CDH4: variants seen among roughly 807,000 people sequenced by gnomAD.
CDH4 encodes cadherin 4, also known as cadherin-4.
In CDH4, 33 loss-of-function variants were observed where a neutral mutation model predicts 86.0. That is an observed-to-expected ratio of 0.38 (90% CI 0.29 to 0.51). CDH4 has a LOEUF of 0.51. CDH4 is among the 20% of genes least tolerant of loss of function. The pLI is 0.86. For synonymous variants in CDH4, 555 were observed against 549.4 expected, an observed-to-expected ratio of 1.01 and a Z score of -0.14; for missense variants, 1,114 against 1,307.4, an observed-to-expected ratio of 0.85 and a Z score of 2.28.
At position 61,417,434 on chromosome 20, in the gene CDH4, C is replaced by T. The variant is rs1293405190; in HGVS notation, c.169+162497C>T. 1.3e-5 allele frequency among the ~76,000 whole-genome samples: 2 copies of T among 152,128 alleles called. No homozygotes were observed. Among genetic ancestry groups the T allele is most frequent in the South Asian group, 2.1e-4 (1 of 4,824 alleles). On this transcript the variant is annotated intron_variant, in intron 2 of 15. Coordinates refer to ENST00000614565, the MANE Select transcript of CDH4 (RefSeq NM_001794.5). The surrounding 1 kb of genome is among the most constrained non-coding windows in gnomAD (Gnocchi z 4.0). ...TGAGCCAGCTGTGGGGTGTGGGGCCCGAGTGCCAGCTGTTTCCTCTAAAAA... is the reference window on the plus strand; with the variant it reads ...TGAGCCAGCTGTGGGGTGTGGGGCCTGAGTGCCAGCTGTTTCCTCTAAAAA...
intron 2 of CDH4, among the ~76,000 whole-genome samples, chr20:61,565,233 G>GCGGTGCTCTTGGTGA: frequency 2.1e-5 from 1 of 46,764 alleles, no homozygotes; most frequent in South Asian, 7.9e-4. Flanking sequence ...GGTGGTGGTG[G>GCGGTGCTCTTGGTGA]TGGTGGTGGC....
intron 2 of CDH4, among the ~76,000 whole-genome samples, chr20:61,385,910 G>T (rs78034491): frequency 6.6e-6 from 1 of 152,124 alleles, no homozygotes; most frequent in African/African-American, 2.4e-5. Context: ...TTGCAGCTGC[G>T]GTTCATGCAT....
chr20:61,323,631 G>A (rs2427085), intron 2 of CDH4, among the ~76,000 whole-genome samples: 61,707 of 151,896 alleles, frequency 0.41, 13,218 homozygotes, highest in East Asian at 0.48. Context: ...CAAGACTGGC[G>A]TCTTCGTGGG....
In CDH4 at chr20:61,936,855, C is replaced by T; in HGVS notation, c.2663C>T (p.Ser888Phe). ...GSVSSLNSSSSGDQDYDYLND... is the reference protein window; with the variant it reads ...GSVSSLNSSSFGDQDYDYLND... Reference sequence around the variant, plus strand: ...GTCAGCTCCCTGAACTCATCCAGTTCCGGGGACCAAGACTACGATTACCTC... The same window carrying T: ...GTCAGCTCCCTGAACTCATCCAGTTTCGGGGACCAAGACTACGATTACCTC... Residue 888 changes from serine (S) to phenylalanine (F), a missense_variant, in exon 16 of 16, where the codon TCC (serine) becomes TTC (phenylalanine). This residue lies in a region of CDH4 where 188 missense variants were observed against 183.8 expected (regional missense o/e 1.02). Coordinates refer to ENST00000614565, the MANE Select transcript of CDH4 (RefSeq NM_001794.5). The T allele has an allele frequency of 6.2e-7, 1 of 1,609,116 alleles. No individual in the cohort carries two copies. Among genetic ancestry groups the T allele is most frequent in the East Asian group, 2.3e-5 (1 of 44,362 alleles).
chr20:61,534,648 C>CTTTCTTTTTTTTTTTTTTTTTTTTTT (rs1568881693), intron 2 of CDH4, among the ~76,000 whole-genome samples: 3 of 108,384 alleles, frequency 2.8e-5, no homozygotes, highest in African/African-American at 1.6e-4. Context: ...TTCTTTCTTT[C>CTTTCTTTTTTTTTTTTTTTTTTTTTT]TTTTCTTTCT....
intron 2 of CDH4, among the ~76,000 whole-genome samples, chr20:61,362,518 C>T (rs747567195): frequency 6.6e-6 from 1 of 150,406 alleles, no homozygotes; most frequent in East Asian, 2.0e-4. Flanking sequence ...AGAGCGGAGA[C>T]GTGGCCTAGG....
chr20:61,449,513 A>G (rs1359260347), intron 2 of CDH4, among the ~76,000 whole-genome samples: 3 of 152,212 alleles, frequency 2.0e-5, no homozygotes, highest in Admixed American at 6.5e-5. Flanking sequence ...CGTATAGTCC[A>G]TCTTGCTTAA....
At chr20:61,479,712 G>A (rs1367032839) in intron 2 of CDH4, among the ~76,000 whole-genome samples, 1 of 152,170 alleles carries the variant, frequency 6.6e-6, no homozygotes, top group Non-Finnish European at 1.5e-5. Context: ...TTTGGGGTTT[G>A]CTGAGCTTCT....
At chr20:61,751,896 T>C (rs137929816) in intron 3 of CDH4, among the ~76,000 whole-genome samples, 1 of 152,184 alleles carries the variant, frequency 6.6e-6, no homozygotes, top group East Asian at 1.9e-4. Context: ...CCAAAATCCA[T>C]TTGAGGTGGA....
chr20:61,787,033 G>C (rs776887851), intron 4 of CDH4, among the ~76,000 whole-genome samples: 1 of 152,224 alleles, frequency 6.6e-6, no homozygotes, highest in Non-Finnish European at 1.5e-5. Flanking sequence ...ACTTGAGAAG[G>C]TGAAACTGTC....
At chr20:61,383,667 G>A (rs1414173608) in intron 2 of CDH4, among the ~76,000 whole-genome samples, 2 of 26,710 alleles carry the variant, frequency 7.5e-5, no homozygotes, top group Admixed American at 4.2e-4. Flanking sequence ...TATTATATAT[G>A]ATATATATGA....
At chr20:61,795,467 A>C (rs1979489055) in intron 4 of CDH4, among the ~76,000 whole-genome samples, 1 of 152,158 alleles carries the variant, frequency 6.6e-6, no homozygotes, top group Non-Finnish European at 1.5e-5. Flanking sequence ...AAGTCACATC[A>C]TGGTGGCGTA....
chr20:61,713,102 C>G (rs1410712120), intron 2 of CDH4, among the ~76,000 whole-genome samples: 1 of 152,178 alleles, frequency 6.6e-6, no homozygotes, highest in Admixed American at 6.5e-5. Context: ...CTTGACATTT[C>G]AGAAGAGCCT....
chr20:61,843,443 C>T (rs991674507), intron 4 of CDH4, among the ~76,000 whole-genome samples: 3 of 119,936 alleles, frequency 2.5e-5, no homozygotes, highest in Non-Finnish European at 3.3e-5. Flanking sequence ...GGCGACAGAG[C>T]GAGACTCCGT....
chr20:61,837,607 G>A (rs984083125), intron 4 of CDH4, among the ~76,000 whole-genome samples: 1 of 152,062 alleles, frequency 6.6e-6, no homozygotes, highest in Non-Finnish European at 1.5e-5. Context: ...CCTCTTCTGT[G>A]CCTGCTTCAG....
intron 3 of CDH4, among the ~76,000 whole-genome samples, chr20:61,746,536 G>A (rs184643175): frequency 7.2e-4 from 110 of 152,364 alleles, no homozygotes; most frequent in Non-Finnish European, 1.2e-3. Context: ...TGTGGGGAAG[G>A]AGTGGAAAAG....
At chr20:61,933,212 CAGTA>C (rs1671598192) in intron 14 of CDH4, 88 bp downstream of exon 14, 1 of 1,498,096 alleles carries the variant, frequency 6.7e-7, no homozygotes, top group Non-Finnish European at 9.1e-7. Flanking sequence ...TGGGGTTTAA[CAGTA>C]AGACATTTCA....
In CDH4 at chr20:61,879,272, C is replaced by G. The variant is rs140991797; in HGVS notation, c.1050+5372C>G. On this transcript the variant is annotated intron_variant, in intron 7 of 15. Coordinates refer to ENST00000614565, the MANE Select transcript of CDH4 (RefSeq NM_001794.5). The surrounding 1 kb of genome is among the most constrained non-coding windows in gnomAD (Gnocchi z 4.1). Reference sequence around the variant, plus strand: ...TGGCTTGGCGTATCAGAGAAGAGCACACATCGGGACCATTTCTCCACCAGC... The same window carrying G: ...TGGCTTGGCGTATCAGAGAAGAGCAGACATCGGGACCATTTCTCCACCAGC... 1.2e-3 allele frequency among the ~76,000 whole-genome samples: 187 copies of G among 152,356 alleles called. 2 individuals carry two copies. Among genetic ancestry groups the G allele is most frequent in the African/African-American group, 4.4e-3 (182 of 41,582 alleles).
chr20:61,541,791 C>T (rs2086041454), intron 2 of CDH4, among the ~76,000 whole-genome samples: 1 of 152,196 alleles, frequency 6.6e-6, no homozygotes, highest in Non-Finnish European at 1.5e-5. Context: ...ATTTCAGCAA[C>T]TCTCCAGCCA....
Sources: allele counts gnomAD v4.1 joint callset (sites outside exome capture counted in the v4.1 genomes callset), GRCh38; gene constraint gnomAD v4.1.1; regional missense constraint gnomAD v4.1.1; non-coding constraint Gnocchi (gnomAD v3.1); transcripts MANE v1.5; gene names NCBI Gene and HGNC (gene_info 2026-07-23, HGNC 2026-07-21).